The following AP2A2 variants were observed in gnomAD, a reference collection of about 807,000 sequenced individuals.
AP2A2 encodes adaptor related protein complex 2 subunit alpha 2.
AP2A2 carries 32 observed loss-of-function variants against 104.2 expected under a neutral mutation model. That is an observed-to-expected ratio of 0.31 (90% CI 0.23 to 0.41). The LOEUF is 0.41. Ranked by LOEUF, AP2A2 falls within the 10% of genes least tolerant of loss-of-function variation. The probability of loss-of-function intolerance (pLI) is 1.00; values close to 1 mark genes in which losing one functional copy is unlikely to be tolerated. For synonymous variants in AP2A2, 539 were observed against 533.3 expected, an observed-to-expected ratio of 1.01 and a Z score of -0.15; for missense variants, 912 against 1,261.0, an observed-to-expected ratio of 0.72 and a Z score of 4.19.
rs551684477 is a variant in AP2A2, at chr11:977,321, G to C, written c.603+97G>C. The C allele has an allele frequency of 3.4e-6, 5 of 1,464,452 alleles. No individual in the cohort carries two copies. The East Asian group carries it at 1.2e-4, about 36-fold the overall frequency. The allele number at this position is 1,464,452 out of a possible 1,614,324, so 90.7% of individuals were successfully genotyped here. A position where few individuals can be genotyped will look rare whatever the true frequency, so the allele number is the denominator to read the frequency against. On this transcript the variant is annotated intron_variant, in intron 5 of 21. Coordinates refer to ENST00000448903, the MANE Select transcript of AP2A2 (RefSeq NM_012305.4). The stretch of plus-strand genomic sequence containing the variant: ...TGGTGCGCCTTCTCGGGATGCCCAG[G>C]AGAGGCTGTCACAGGGGCTGCTGTG...
rs763211564 is a variant in AP2A2 at position 1,011,330 on chromosome 11, G to A, written c.*705G>A. On this transcript the variant is annotated 3_prime_UTR_variant, in exon 22 of 22. Coordinates refer to ENST00000448903, the MANE Select transcript of AP2A2 (RefSeq NM_012305.4). ...AGGGGAGGAGCGTCCTGCCGGCCCC[G>A]CAGGGCCCCCAGGACTCCAGGGTAA... 27 of 518,384 alleles carry A rather than the reference G, an allele frequency of 5.2e-5. No homozygotes were observed. Among genetic ancestry groups the A allele is most frequent in the Admixed American group, 2.9e-4 (15 of 51,540 alleles). The allele number at this position is 518,384 out of a possible 1,614,324, so 32.1% of individuals were successfully genotyped here. A position where few individuals can be genotyped will look rare whatever the true frequency, so the allele number is the denominator to read the frequency against.
chr11:942,701 T>C (rs7395823), intron 1 of AP2A2, among the ~76,000 whole-genome samples: 77,145 of 151,990 alleles, frequency 0.51, 20,211 homozygotes, highest in Middle Eastern at 0.66. Context: ...TTTTAGATTC[T>C]GGGGGTAAAT....
At chr11:1,006,230 G>A (rs752071232) in intron 16 of AP2A2, among the ~76,000 whole-genome samples, 53 of 152,350 alleles carry the variant, frequency 3.5e-4, no homozygotes, top group Admixed American at 1.6e-3. Context: ...GTCCTTCCCC[G>A]TGCATATGCG....
chr11:984,789 G>C (rs1191542032), intron 7 of AP2A2, 36 bp downstream of exon 7: 50 of 1,472,866 alleles, frequency 3.4e-5, no homozygotes, highest in Non-Finnish European at 4.5e-5. Context: ...AGCTGCACCA[G>C]TGCCAGTCTG....
chr11:1,002,296 G>A (rs1590018401), intron 15 of AP2A2, among the ~76,000 whole-genome samples: 1 of 152,244 alleles, frequency 6.6e-6, no homozygotes, highest in Admixed American at 6.5e-5. Flanking sequence ...CGGTGAGCAC[G>A]TGGACCTCCG....
chr11:942,109 G>A (rs991353124), intron 1 of AP2A2, among the ~76,000 whole-genome samples: 2 of 152,046 alleles, frequency 1.3e-5, no homozygotes, highest in African/African-American at 4.8e-5. Flanking sequence ...TGTATTTTTA[G>A]TAGAGAGGGG....
chr11:949,422 A>G (rs897389575), intron 1 of AP2A2, among the ~76,000 whole-genome samples: 6 of 152,214 alleles, frequency 3.9e-5, no homozygotes, highest in African/African-American at 1.4e-4. Context: ...ATTATCATGA[A>G]TATAGAAACA....
At chr11:926,750 C>T (rs547132960) in intron 1 of AP2A2, among the ~76,000 whole-genome samples, 36 of 152,278 alleles carry the variant, frequency 2.4e-4, no homozygotes, top group African/African-American at 7.7e-4. Context: ...GAGCAGCAGT[C>T]GGGGTGTGGG....
At chr11:986,724 CTG>C (rs1396679175) in intron 8 of AP2A2, 59 bp from the exon 9 acceptor site, 3 of 1,574,234 alleles carry the variant, frequency 1.9e-6, no homozygotes. Flanking sequence ...AACGCAGACT[CTG>C]TCCAGTTTGT....
At chr11:956,134 G>T (rs184916035) in intron 1 of AP2A2, among the ~76,000 whole-genome samples, 1 of 152,300 alleles carries the variant, frequency 6.6e-6, no homozygotes, top group African/African-American at 2.4e-5. Flanking sequence ...GAGCTCAGGA[G>T]ATCGAGACCA....
At chr11:1,007,945 C>G in intron 17 of AP2A2, 67 bp from the exon 18 acceptor site, 1 of 1,549,564 alleles carries the variant, frequency 6.5e-7, no homozygotes, top group South Asian at 1.2e-5. Context: ...CCTGCTGGGG[C>G]TCTAGCCCGG....
Position 989,279 on chromosome 11 carries a change from G to A in AP2A2, c.1269+590G>A, listed in dbSNP as rs945786066. Among the ~76,000 whole-genome samples the A allele has an allele frequency of 5.9e-5, 9 of 152,200 alleles. 1 individual carries two copies. In the South Asian group the frequency reaches 1.9e-3, roughly 32 times the overall value. ...GAGGCGGAGGCGGAGGTTGTGGTGA[G>A]CCGAGATTGCGCCATTGCACTCCAG... On this transcript the variant is annotated intron_variant, in intron 10 of 21. Coordinates refer to ENST00000448903, the MANE Select transcript of AP2A2 (RefSeq NM_012305.4).
intron 1 of AP2A2, among the ~76,000 whole-genome samples, chr11:931,637 A>T (rs1404721789): frequency 6.6e-6 from 1 of 152,124 alleles, no homozygotes; most frequent in Non-Finnish European, 1.5e-5. Context: ...TCCTCACATG[A>T]AGGGGAAACA....
intron 2 of AP2A2, among the ~76,000 whole-genome samples, chr11:969,126 C>A (rs1230230105): frequency 6.6e-6 from 1 of 151,840 alleles, no homozygotes; most frequent in East Asian, 1.9e-4. Flanking sequence ...GGCCACCTTT[C>A]TCGCTCGCCT....
At chr11:947,696 A>G (rs1853896422) in intron 1 of AP2A2, among the ~76,000 whole-genome samples, 1 of 151,960 alleles carries the variant, frequency 6.6e-6, no homozygotes, top group Admixed American at 6.6e-5. Flanking sequence ...GTAGTGGCTC[A>G]CGCCGCCTGT....
At chr11:963,885 C>T (rs1854526267) in intron 2 of AP2A2, among the ~76,000 whole-genome samples, 1 of 152,206 alleles carries the variant, frequency 6.6e-6, no homozygotes, top group Non-Finnish European at 1.5e-5. Context: ...CTTGACCTCC[C>T]AAAGTGCTGG....
chr11:959,299 G>A, intron 1 of AP2A2, 138 bp from the exon 2 acceptor site: 4 of 657,862 alleles, frequency 6.1e-6, no homozygotes, highest in South Asian at 1.7e-5. Context: ...TTGGAGGCAG[G>A]TGTCTGCTTC....
chr11:956,561 CAT>C (rs1337074727), intron 1 of AP2A2, among the ~76,000 whole-genome samples: 6 of 152,332 alleles, frequency 3.9e-5, no homozygotes, highest in South Asian at 2.1e-4. Flanking sequence ...GCTTGTTAAA[CAT>C]GTGTATCCCT....
intron 1 of AP2A2, among the ~76,000 whole-genome samples, chr11:928,134 C>A (rs1305433354): frequency 1.3e-5 from 2 of 152,174 alleles, no homozygotes; most frequent in Non-Finnish European, 2.9e-5. Context: ...CAGGATGGCG[C>A]CTACCACAGT....
Sources: allele counts gnomAD v4.1 joint callset (sites outside exome capture counted in the v4.1 genomes callset), GRCh38; gene constraint gnomAD v4.1.1; transcripts MANE v1.5; gene names NCBI Gene and HGNC (gene_info 2026-07-23, HGNC 2026-07-21).